The following FAS variants were observed in gnomAD, a reference collection of about 807,000 sequenced individuals.
The protein encoded by FAS is tumor necrosis factor receptor superfamily member 6.
FAS carries 5 observed loss-of-function variants against 33.2 expected under a neutral mutation model. The observed-to-expected ratio is 0.15, with a 90% confidence interval of 0.08 to 0.32. The LOEUF is 0.32. FAS is among the 10% of genes least tolerant of loss of function. The pLI is 1.00. For missense variants in FAS, 339 were observed against 386.0 expected, an observed-to-expected ratio of 0.88 and a Z score of 1.02; for synonymous variants, 131 against 130.7, an observed-to-expected ratio of 1.00 and a Z score of -0.01.
chr10:88,989,696 C>T (rs575496535), upstream of FAS: 12 of 415,776 alleles, frequency 2.9e-5, no homozygotes, highest in African/African-American at 2.5e-4. Context: ...GAGAGGAAGC[C>T]TGAAGGATGA....
At chr10:89,008,750 T>G (rs149281752) in intron 3 of FAS, 139 bp from the exon 4 acceptor site, 452 of 830,394 alleles carry the variant, frequency 5.4e-4, no homozygotes, top group Middle Eastern at 6.7e-4. Flanking sequence ...GTTTAAACAC[T>G]GACTGTATTA....
At chr10:88,981,725 G>A (rs1846717549) in intron 2 of FAS, among the ~76,000 whole-genome samples, 2 of 152,128 alleles carry the variant, frequency 1.3e-5, no homozygotes, top group African/African-American at 2.4e-5. Context: ...ATAAAAGATT[G>A]GGCAAAGTAA....
At chr10:88,972,202 C>T (rs1011881615) in intron 1 of FAS, among the ~76,000 whole-genome samples, 5 of 152,170 alleles carry the variant, frequency 3.3e-5, no homozygotes, top group Non-Finnish European at 7.3e-5. Flanking sequence ...CCACCACGCC[C>T]AGCCAGGGAC....
At chr10:88,999,152 C>CAA (rs762435847) in intron 1 of FAS, among the ~76,000 whole-genome samples, 8 of 100,874 alleles carry the variant, frequency 7.9e-5, no homozygotes, top group Non-Finnish European at 1.1e-4. Context: ...GACTCCGTCT[C>CAA]AAAAAAATAA....
upstream of FAS, among the ~76,000 whole-genome samples, chr10:88,984,822 T>C (rs1846827972): frequency 6.6e-6 from 1 of 152,186 alleles, no homozygotes; most frequent in South Asian, 2.1e-4. Context: ...GAGGCAATAA[T>C]GGGAGACCAT....
intron 2 of FAS, among the ~76,000 whole-genome samples, chr10:89,004,827 T>C (rs1848130240): frequency 6.6e-6 from 1 of 152,150 alleles, no homozygotes; most frequent in Non-Finnish European, 1.5e-5. Context: ...CATCCAACCA[T>C]GTTAAATACT....
upstream of FAS, among the ~76,000 whole-genome samples, chr10:88,982,570 T>A (rs762661912): frequency 6.6e-5 from 10 of 152,210 alleles, no homozygotes; most frequent in Non-Finnish European, 1.5e-4. Context: ...GGTCACATTA[T>A]CCTGATTGGC....
intron 7 of FAS, 68 bp downstream of exon 7, chr10:89,012,149 T>A: frequency 7.7e-7 from 1 of 1,305,280 alleles, no homozygotes; most frequent in Non-Finnish European, 1.1e-6. Context: ...TTTGGCTTTT[T>A]GTTACTTCCT....
chr10:88,972,197 A>C (rs1469280760), intron 1 of FAS, among the ~76,000 whole-genome samples: 1 of 152,132 alleles, frequency 6.6e-6, no homozygotes, highest in African/African-American at 2.4e-5. Context: ...ATGAGCCACC[A>C]CGCCCAGCCA....
At chr10:88,981,835 G>A (rs757234005), upstream of FAS, among the ~76,000 whole-genome samples, 8 of 152,150 alleles carry the variant, frequency 5.3e-5, no homozygotes, top group Non-Finnish European at 8.8e-5. Context: ...GAGGCAAACC[G>A]TCCCATTCAC....
chr10:89,007,963 G>T (rs979513467), intron 3 of FAS, 126 bp downstream of exon 3: 17 of 1,448,634 alleles, frequency 1.2e-5, no homozygotes, highest in Admixed American at 1.7e-5. Flanking sequence ...GGAAGGACAG[G>T]TGGCTAGGGT....
chr10:89,009,080 A>T, intron 4 of FAS, 83 bp downstream of exon 4: 1 of 1,270,886 alleles, frequency 7.9e-7, no homozygotes, highest in East Asian at 2.3e-5. Flanking sequence ...ACTGACTGAG[A>T]GTTAAGAATT....
rs1480416112 is a variant in FAS at position 89,008,913 on chromosome 10, C to T, written c.359C>T (p.Thr120Ile). The T allele has an allele frequency of 2.5e-6, 4 of 1,614,012 alleles. No individual in the cohort carries two copies. Among genetic ancestry groups the T allele is most frequent in the East Asian group, 2.2e-5 (1 of 44,886 alleles). The change falls in exon 4 of 9, where the codon ACC (threonine) becomes ATC (isoleucine). Residue 120 changes from threonine (T) to isoleucine (I), a missense_variant. Thr to Ile is a moderately conservative substitution (Grantham distance 89). Around this residue, in one of 3 missense-constraint regions of FAS, gnomAD observed 276 missense variants for 300.1 expected, o/e 0.92. Coordinates refer to ENST00000652046, the MANE Select transcript of FAS (RefSeq NM_000043.6). ...GHGLEVEINCTRTQNTKCRCK... is the reference protein window; with the variant it reads ...GHGLEVEINCIRTQNTKCRCK... Reference sequence around the variant, plus strand: ...GGCTTAGAAGTGGAAATAAACTGCACCCGGACCCAGAATACCAAGTGCAGA... The same window carrying T: ...GGCTTAGAAGTGGAAATAAACTGCATCCGGACCCAGAATACCAAGTGCAGA...
At chr10:88,975,426 T>C (rs964104357) in intron 2 of FAS, among the ~76,000 whole-genome samples, 4 of 152,244 alleles carry the variant, frequency 2.6e-5, no homozygotes, top group Non-Finnish European at 5.9e-5. Context: ...TGTTTGTTTT[T>C]TTCTTATTAC....
At chr10:88,976,789 A>G (rs1396480605) in intron 2 of FAS, among the ~76,000 whole-genome samples, 2 of 152,254 alleles carry the variant, frequency 1.3e-5, no homozygotes, top group Non-Finnish European at 2.9e-5. Flanking sequence ...AAATAAAACC[A>G]AATGTAAAGG....
intron 1 of FAS, among the ~76,000 whole-genome samples, chr10:88,997,329 A>G (rs539506548): frequency 2.3e-4 from 35 of 152,350 alleles, no homozygotes; most frequent in African/African-American, 8.4e-4. Context: ...TGACTCTAGC[A>G]CTAAACTCAA....
chr10:89,007,146 G>T (rs928071656), intron 2 of FAS, among the ~76,000 whole-genome samples: 4 of 152,144 alleles, frequency 2.6e-5, no homozygotes, highest in African/African-American at 9.7e-5. Flanking sequence ...ATGAAATTTA[G>T]GCTTGGAGAA....
Position 88,991,961 on chromosome 10 carries a change from G to A in FAS, c.30+1055G>A, listed in dbSNP as rs766937196. 7.2e-5 allele frequency among the ~76,000 whole-genome samples: 11 copies of A among 152,188 alleles called. 1 individual carries two copies. Among genetic ancestry groups the A allele is most frequent in the Non-Finnish European group, 1.2e-4 (8 of 68,030 alleles). Reference sequence around the variant, plus strand: ...CAACAAAGTGCCAGGCATAGCGAGAGAAGTGTTTACAAATGTGATCTCCGC... The same window carrying A: ...CAACAAAGTGCCAGGCATAGCGAGAAAAGTGTTTACAAATGTGATCTCCGC... On this transcript the variant is annotated intron_variant, in intron 1 of 8. Transcript: ENST00000652046.
Position 89,010,977 on chromosome 10 carries a change from A to G in FAS, c.568+162A>G, listed in dbSNP as rs9658764. 1.0e-3 allele frequency: 811 copies of G among 795,830 alleles called. 4 individuals carry two copies. The African/African-American group carries it at 0.013, about 13-fold the overall frequency. 49.3% of individuals were successfully genotyped at this position (795,830 alleles called of 1,614,324 possible). On this transcript the variant is annotated intron_variant, in intron 6 of 8. Transcript: ENST00000652046. The stretch of plus-strand genomic sequence containing the variant: ...GCCTTGAGAGCTGACTGATAAGAAC[A>G]AATGAAATTATTCCTCAGCTAGTTT...
Sources: allele counts gnomAD v4.1 joint callset (sites outside exome capture counted in the v4.1 genomes callset), GRCh38; gene constraint gnomAD v4.1.1; regional missense constraint gnomAD v4.1.1; transcripts MANE v1.5; gene names NCBI Gene and HGNC (gene_info 2026-07-23, HGNC 2026-07-21).